Variants in MAGI2 observed in about 807,000 individuals in gnomAD.
MAGI2 encodes the protein membrane-associated guanylate kinase, WW and PDZ domain-containing protein 2.
In MAGI2, 35 loss-of-function variants were observed where a neutral mutation model predicts 133.3. The observed-to-expected ratio is 0.26, with a 90% CI of 0.20 to 0.35. MAGI2 has a LOEUF of 0.35. Among genes scored for constraint, MAGI2 ranks in the 10% least tolerant of loss-of-function variants. MAGI2 has a pLI of 1.00. For missense variants in MAGI2, 1,636 were observed against 1,863.4 expected (o/e 0.88, Z 2.25); for synonymous variants, 729 against 710.6 (o/e 1.03, Z -0.41).
chr7:78,330,281 T>A (rs999298723), intron 9 of MAGI2, among the ~76,000 whole-genome samples: 1 of 152,180 alleles, frequency 6.6e-6, no homozygotes, highest in Non-Finnish European at 1.5e-5. Flanking sequence ...CAGCAAATCT[T>A]CTGCCTCCAT....
chr7:79,236,489 G>T (rs914050670), intron 1 of MAGI2, among the ~76,000 whole-genome samples: 11 of 152,188 alleles, frequency 7.2e-5, no homozygotes, highest in African/African-American at 2.7e-4. Flanking sequence ...ATCAAATATG[G>T]TTTGGACATA....
At chr7:78,257,685 T>C (rs1466697431) in intron 9 of MAGI2, among the ~76,000 whole-genome samples, 1 of 152,250 alleles carries the variant, frequency 6.6e-6, no homozygotes, top group Admixed American at 6.5e-5. Flanking sequence ...TTTGGAGAAC[T>C]ATTTTATCAT....
intron 1 of MAGI2, among the ~76,000 whole-genome samples, chr7:79,352,491 T>C (rs1386697035): frequency 6.6e-6 from 1 of 152,196 alleles, no homozygotes; most frequent in Middle Eastern, 3.2e-3. Context: ...CAGGCAGTTC[T>C]GAAATGTGTA....
At chr7:78,181,838 A>ACTTCACATGAAGACTCTAGGGG (rs1827215874) in intron 13 of MAGI2, among the ~76,000 whole-genome samples, 1 of 152,210 alleles carries the variant, frequency 6.6e-6, no homozygotes, top group Non-Finnish European at 1.5e-5. Flanking sequence ...GTTGATTCCT[A>ACTTCACATGAAGACTCTAGGGG]CTTCACATGA....
At chr7:78,175,141 C>G (rs1826470422) in intron 14 of MAGI2, among the ~76,000 whole-genome samples, 1 of 152,202 alleles carries the variant, frequency 6.6e-6, no homozygotes, top group African/African-American at 2.4e-5. Flanking sequence ...CTGAGGAAAG[C>G]TGTGAGCACA....
intron 2 of MAGI2, among the ~76,000 whole-genome samples, chr7:78,925,811 A>C (rs1208319661): frequency 6.6e-6 from 1 of 152,032 alleles, no homozygotes; most frequent in Non-Finnish European, 1.5e-5. Flanking sequence ...TTAATAATGC[A>C]TCAGTTTTAA....
intron 1 of MAGI2, among the ~76,000 whole-genome samples, chr7:79,369,360 AC>A (rs1842922780): frequency 6.6e-6 from 1 of 152,200 alleles, no homozygotes; most frequent in African/African-American, 2.4e-5. Flanking sequence ...CCCTAATGAA[AC>A]CACTCAACTT....
intron 1 of MAGI2, among the ~76,000 whole-genome samples, chr7:79,276,587 T>C (rs776405524): frequency 2.6e-5 from 4 of 152,222 alleles, no homozygotes; most frequent in African/African-American, 9.6e-5. Flanking sequence ...TTACTTCTTA[T>C]GAAGGAGCAA....
intron 1 of MAGI2, among the ~76,000 whole-genome samples, chr7:79,098,540 G>A (rs1415655080): frequency 1.3e-5 from 2 of 152,148 alleles, no homozygotes; most frequent in Non-Finnish European, 2.9e-5. Flanking sequence ...TGTGAGTTTG[G>A]ATAACATGAG....
chr7:79,108,002 T>C (rs1818583800), intron 1 of MAGI2, among the ~76,000 whole-genome samples: 3 of 152,328 alleles, frequency 2.0e-5, no homozygotes, highest in South Asian at 4.1e-4. Context: ...CTTGATTTAA[T>C]GATAGAATTT....
chr7:78,069,027 C>T (rs1385033428), intron 21 of MAGI2, among the ~76,000 whole-genome samples: 2 of 152,144 alleles, frequency 1.3e-5, no homozygotes, highest in Non-Finnish European at 2.9e-5. Flanking sequence ...AACTACAGGG[C>T]CAGACTCTCC....
At chr7:78,284,451 T>A (rs200468865) in intron 9 of MAGI2, among the ~76,000 whole-genome samples, 1 of 34,176 alleles carries the variant, frequency 2.9e-5, no homozygotes, top group Admixed American at 2.8e-4. Flanking sequence ...TTTTCTTTTC[T>A]TTTTTTTTTT....
intron 1 of MAGI2, among the ~76,000 whole-genome samples, chr7:79,212,517 A>G (rs897109606): frequency 6.6e-6 from 1 of 152,218 alleles, no homozygotes; most frequent in Non-Finnish European, 1.5e-5. Flanking sequence ...GGGTAGTACA[A>G]AACTTTCCAT....
intron 2 of MAGI2, among the ~76,000 whole-genome samples, chr7:78,968,039 C>A (rs1803482394): frequency 6.6e-6 from 1 of 152,032 alleles, no homozygotes; most frequent in African/African-American, 2.4e-5. Flanking sequence ...CCATGTTGGC[C>A]AGGCTGGTCT....
intron 1 of MAGI2, among the ~76,000 whole-genome samples, chr7:79,223,008 C>G (rs1002705377): frequency 1.6e-4 from 25 of 152,022 alleles, no homozygotes; most frequent in Non-Finnish European, 2.9e-4. Flanking sequence ...CCTCTGCCTC[C>G]CGAGTAGCTG....
chr7:78,950,882 G>C (rs1222977700), intron 2 of MAGI2, among the ~76,000 whole-genome samples: 1 of 151,716 alleles, frequency 6.6e-6, no homozygotes, highest in Non-Finnish European at 1.5e-5. Flanking sequence ...GATATAATGT[G>C]AGTGACCCTA....
In MAGI2 at chr7:79,399,603, G is replaced by C. The variant is rs529148531; in HGVS notation, c.301+53417C>G. On this transcript the variant is annotated intron_variant, in intron 1 of 21. Transcript: ENST00000354212. ...ATACAAGTGCAGTGCTTCTAGAAGAGAGCCTATCAGCAGAGGTTTTCCCAA... is the reference window on the plus strand; with the variant it reads ...ATACAAGTGCAGTGCTTCTAGAAGACAGCCTATCAGCAGAGGTTTTCCCAA... Among the ~76,000 whole-genome samples the C allele has an allele frequency of 1.4e-4, 21 of 152,216 alleles. No individual in the cohort carries two copies. The East Asian group carries it at 2.7e-3, about 20-fold the overall frequency.
chr7:79,131,769 T>A (rs1032729025), intron 1 of MAGI2, among the ~76,000 whole-genome samples: 1 of 152,196 alleles, frequency 6.6e-6, no homozygotes, highest in Non-Finnish European at 1.5e-5. Context: ...TAAACTTTCT[T>A]GAATTTAAAT....
intron 1 of MAGI2, among the ~76,000 whole-genome samples, chr7:79,028,255 ATATATATATATAT>A (rs1810146283): frequency 4.2e-5 from 1 of 23,976 alleles, no homozygotes. Context: ...ATATATATAT[ATATATATATATAT>A]GTATGTATGT....
Sources: allele counts gnomAD v4.1 joint callset (sites outside exome capture counted in the v4.1 genomes callset), GRCh38; gene constraint gnomAD v4.1.1; transcripts MANE v1.5; gene names NCBI Gene and HGNC (gene_info 2026-07-23, HGNC 2026-07-21).